Variants in AR observed in about 807,000 individuals in gnomAD.
AR encodes the protein dihydrotestosterone receptor.
A neutral mutation model predicts 53.9 loss-of-function variants in AR; 8 were observed. That is an observed-to-expected ratio of 0.15 (90% CI 0.09 to 0.27). The LOEUF (loss-of-function observed/expected upper bound fraction) is 0.27. AR is among the 10% of genes least tolerant of loss of function. The pLI is 1.00. For synonymous variants in AR, 359 were observed against 316.4 expected, an observed-to-expected ratio of 1.13 and a Z score of -1.43; for missense variants, 639 against 742.5, an observed-to-expected ratio of 0.86 and a Z score of 1.62.
chrX:67,563,378 A>G (rs1921418045), intron 1 of AR, among the ~76,000 whole-genome samples: 1 of 111,955 alleles, frequency 8.9e-6, no homozygotes, highest in African/African-American at 3.2e-5. Flanking sequence ...TCATTTCTAA[A>G]ATGAAGATAC....
intron 2 of AR, among the ~76,000 whole-genome samples, chrX:67,659,686 A>T (rs768722993): frequency 8.9e-6 from 1 of 111,854 alleles, no homozygotes; most frequent in East Asian, 2.8e-4. Flanking sequence ...ATACGTGTGC[A>T]TGTGTCTTTA....
At chrX:67,668,965 A>G (rs1258283480) in intron 2 of AR, among the ~76,000 whole-genome samples, 1 of 110,859 alleles carries the variant, frequency 9.0e-6, no homozygotes, top group Non-Finnish European at 1.9e-5. Flanking sequence ...CTAGCTAAAT[A>G]TTTGTCAATG....
intron 2 of AR, among the ~76,000 whole-genome samples, chrX:67,650,872 T>A (rs954068327): frequency 1.3e-4 from 14 of 111,998 alleles, no homozygotes; most frequent in Non-Finnish European, 3.8e-5. Context: ...TCTAGACTAA[T>A]GCCTGTCTCT....
chrX:67,616,445 G>A (rs1407940906), intron 1 of AR, among the ~76,000 whole-genome samples: 1 of 110,238 alleles, frequency 9.1e-6, no homozygotes, highest in African/African-American at 3.3e-5. Flanking sequence ...GAGAACATGC[G>A]GTGTTTCGTT....
In AR at chrX:67,728,561, G is replaced by A. The variant is rs369503936; in HGVS notation, c.*4720G>A. On this transcript the variant is annotated 3_prime_UTR_variant, in exon 8 of 8. Coordinates refer to ENST00000374690, the MANE Select transcript of AR (RefSeq NM_000044.6). ...ATTGTAAATGAATATTTGTATCCAT[G>A]TTTCAAAATTGAAATATATATATAT... The A allele has an allele frequency of 2.3e-3, 161 of 69,341 alleles. No individual in the cohort carries two copies. Among genetic ancestry groups the A allele is most frequent in the African/African-American group, 8.8e-3 (156 of 17,672 alleles). 5.7% of individuals were successfully genotyped at this position (69,341 alleles called of 1,213,427 possible). A position where few individuals can be genotyped will look rare whatever the true frequency, so the allele number is the denominator to read the frequency against.
chrX:67,691,605 A>G (rs1358059149), intron 3 of AR, among the ~76,000 whole-genome samples: 5 of 111,618 alleles, frequency 4.5e-5, no homozygotes, highest in Non-Finnish European at 9.4e-5. Context: ...TCTGGAATAC[A>G]CTTTCGAAAA....
At chrX:67,618,844 A>T (rs1924239149) in intron 1 of AR, among the ~76,000 whole-genome samples, 1 of 111,365 alleles carries the variant, frequency 9.0e-6, no homozygotes, top group Non-Finnish European at 1.9e-5. Flanking sequence ...CAGGGGCATG[A>T]AAAAGCAAGG....
intron 1 of AR, among the ~76,000 whole-genome samples, chrX:67,581,463 C>T (rs5919392): frequency 0.039 from 4,296 of 111,385 alleles, 79 homozygotes; most frequent in Middle Eastern, 0.061. Flanking sequence ...ATATCATGTT[C>T]AGGCCTTCTT....
At chrX:67,705,850 C>T (rs2076064464) in intron 3 of AR, among the ~76,000 whole-genome samples, 1 of 111,612 alleles carries the variant, frequency 9.0e-6, no homozygotes, top group African/African-American at 3.3e-5. Flanking sequence ...GAGTTTTTAG[C>T]ATGAAGGGCT....
chrX:67,676,814 C>A (rs971150575), intron 2 of AR, among the ~76,000 whole-genome samples: 1 of 111,709 alleles, frequency 9.0e-6, no homozygotes, highest in African/African-American at 3.3e-5. Flanking sequence ...ATCCCATCAC[C>A]CTTAAAACTT....
intron 1 of AR, among the ~76,000 whole-genome samples, chrX:67,632,187 G>A (rs1925178708): frequency 8.8e-6 from 1 of 113,280 alleles, no homozygotes; most frequent in Non-Finnish European, 1.9e-5. Flanking sequence ...CTTCCCAGCT[G>A]CTTTGTTTAC....
intron 2 of AR, among the ~76,000 whole-genome samples, chrX:67,644,196 C>T (rs1384015658): frequency 4.5e-5 from 5 of 112,004 alleles, no homozygotes; most frequent in Admixed American, 9.5e-5. Context: ...CTCTTATATA[C>T]GGTAATGTCT....
chrX:67,580,507 G>T (rs753553290), intron 1 of AR, among the ~76,000 whole-genome samples: 1 of 111,445 alleles, frequency 9.0e-6, no homozygotes, highest in Non-Finnish European at 1.9e-5. Flanking sequence ...TCTGGCCACA[G>T]GATGGAAAGT....
chrX:67,622,320 G>GAA (rs112324202), intron 1 of AR, among the ~76,000 whole-genome samples: 4 of 107,957 alleles, frequency 3.7e-5, no homozygotes, highest in African/African-American at 1.3e-4. Flanking sequence ...AAAGCCATTG[G>GAA]AAAAAAAAAA....
chrX:67,677,274 T>C (rs2075905830), intron 2 of AR, among the ~76,000 whole-genome samples: 1 of 112,207 alleles, frequency 8.9e-6, no homozygotes, highest in East Asian at 2.8e-4. Context: ...GGACCTGGGC[T>C]GCTTCTTTAA....
chrX:67,643,157 C>T, intron 1 of AR, 99 bp from the exon 2 acceptor site: 2 of 1,005,423 alleles, frequency 2.0e-6, no homozygotes, highest in Non-Finnish European at 2.8e-6. Context: ...GAATAATAGT[C>T]ATTTATGCCT....
intron 1 of AR, among the ~76,000 whole-genome samples, chrX:67,615,391 CAGAG>C (rs1299833712): frequency 9.0e-6 from 1 of 110,649 alleles, no homozygotes; most frequent in East Asian, 2.9e-4. Flanking sequence ...TCAGAAATAA[CAGAG>C]AGCAGAAGGC....
At chrX:67,562,222 C>T (rs1921353301) in intron 1 of AR, among the ~76,000 whole-genome samples, 1 of 109,764 alleles carries the variant, frequency 9.1e-6, no homozygotes, top group African/African-American at 3.3e-5. Flanking sequence ...CCTCGGCCTC[C>T]CAAATTGTTG....
intron 2 of AR, among the ~76,000 whole-genome samples, chrX:67,666,171 A>G (rs1927253301): frequency 9.0e-6 from 1 of 110,863 alleles, no homozygotes; most frequent in African/African-American, 3.3e-5. Flanking sequence ...CATTCTAACT[A>G]TACTTTTGTA....
Sources: gnomAD v4.1 joint callset for allele counts (sites outside exome capture counted in the v4.1 genomes callset) on GRCh38, gnomAD v4.1.1 for gene constraint, MANE v1.5 for transcripts, NCBI Gene and HGNC (gene_info 2026-07-23, HGNC 2026-07-21) for gene names.